The following CCSER1 variants were observed in gnomAD, a reference collection of about 807,000 sequenced individuals.
CCSER1 encodes coiled-coil serine rich protein 1, also known as serine-rich coiled-coil domain-containing protein 1.
In CCSER1, 41 loss-of-function variants were observed where a neutral mutation model predicts 82.0. The observed-to-expected ratio is 0.50, with a 90% CI of 0.39 to 0.65. The LOEUF (loss-of-function observed/expected upper bound fraction) is 0.65. Among genes scored for constraint, CCSER1 ranks in the 30% least tolerant of loss-of-function variants. The pLI is 0.00. For synonymous variants in CCSER1, 414 were observed against 383.9 expected (o/e 1.08, Z -0.92); for missense variants, 1,119 against 1,064.2 (o/e 1.05, Z -0.72).
chr4:90,783,924 A>C (rs543840067), intron 7 of CCSER1, among the ~76,000 whole-genome samples: 14 of 152,292 alleles, frequency 9.2e-5, no homozygotes, highest in African/African-American at 2.9e-4. Flanking sequence ...CCAGTATAAT[A>C]AGTGAATTAT....
intron 6 of CCSER1, among the ~76,000 whole-genome samples, chr4:90,707,909 C>A (rs1739708829): frequency 1.3e-5 from 2 of 152,120 alleles, no homozygotes; most frequent in Admixed American, 1.3e-4. Context: ...CAGAACACAG[C>A]TTTCGGTTTA....
intron 8 of CCSER1, among the ~76,000 whole-genome samples, chr4:90,883,029 G>T (rs2150080352): frequency 6.6e-6 from 1 of 152,112 alleles, no homozygotes; most frequent in African/African-American, 2.4e-5. Flanking sequence ...CAGTTAGACT[G>T]ATGAGAAAAG....
At chr4:91,249,389 T>A (rs1740075463) in intron 10 of CCSER1, among the ~76,000 whole-genome samples, 1 of 152,150 alleles carries the variant, frequency 6.6e-6, no homozygotes, top group Admixed American at 6.5e-5. Context: ...TTCAGTTTAA[T>A]CTTAGAAAGT....
intron 10 of CCSER1, among the ~76,000 whole-genome samples, chr4:91,305,080 C>G (rs1022126208): frequency 6.6e-6 from 1 of 151,916 alleles, no homozygotes; most frequent in Non-Finnish European, 1.5e-5. Flanking sequence ...TTTTCATTCT[C>G]CCTAAGAAAA....
chr4:91,578,119 T>G (rs1339164661), intron 10 of CCSER1, among the ~76,000 whole-genome samples: 1 of 151,976 alleles, frequency 6.6e-6, no homozygotes, highest in Non-Finnish European at 1.5e-5. Context: ...TGGGAACTAA[T>G]GCACACATAA....
intron 8 of CCSER1, among the ~76,000 whole-genome samples, chr4:90,849,694 C>T (rs1013949069): frequency 6.0e-5 from 9 of 149,482 alleles, no homozygotes; most frequent in African/African-American, 2.2e-4. Context: ...GAGGCTGAGG[C>T]AGGAGGATGG....
intron 10 of CCSER1, among the ~76,000 whole-genome samples, chr4:91,595,041 C>T (rs1457535834): frequency 6.6e-6 from 1 of 151,432 alleles, no homozygotes; most frequent in Non-Finnish European, 1.5e-5. Context: ...CCAATAATTT[C>T]TCTGCTTAAA....
chr4:91,463,597 A>C (rs186097832), intron 10 of CCSER1, among the ~76,000 whole-genome samples: 3 of 152,330 alleles, frequency 2.0e-5, no homozygotes, highest in East Asian at 1.9e-4. Context: ...AAGAAGCTAC[A>C]AACCTTCAAA....
intron 5 of CCSER1, among the ~76,000 whole-genome samples, chr4:90,517,725 C>T (rs1772477807): frequency 6.6e-6 from 1 of 152,096 alleles, no homozygotes; most frequent in African/African-American, 2.4e-5. Context: ...AAAACTTACA[C>T]ATTCAGAGAA....
At chr4:91,090,166 T>C (rs945403755) in intron 10 of CCSER1, among the ~76,000 whole-genome samples, 28 of 152,182 alleles carry the variant, frequency 1.8e-4, no homozygotes, top group Admixed American at 9.8e-4. Flanking sequence ...TCCAGTTACC[T>C]ATGGCTATGC....
At chr4:90,343,190 C>T (rs1191394638) in intron 3 of CCSER1, among the ~76,000 whole-genome samples, 1 of 152,178 alleles carries the variant, frequency 6.6e-6, no homozygotes, top group Non-Finnish European at 1.5e-5. Context: ...GGGCCTTTAT[C>T]AACTTGCTTA....
chr4:91,072,437 CATTT>C lies in CCSER1; in HGVS notation c.2173-13509_2173-13506del, dbSNP rs147302674. 7.6e-3 allele frequency among the ~76,000 whole-genome samples: 1,150 copies of C among 152,158 alleles called. 13 individuals are homozygous for C. The highest frequency in any genetic ancestry group is 0.024 in the African/African-American group (998 of 41,526). ...AAATCTAAATGAATTCAAAACCAAT[CATTT>C]ATTATTTTGCATTTACTTCTTCAGT... On this transcript the variant is annotated intron_variant, in intron 9 of 10. Coordinates refer to ENST00000509176, the MANE Select transcript of CCSER1 (RefSeq NM_001145065.2).
chr4:91,315,789 G>C (rs1160762021), intron 10 of CCSER1, among the ~76,000 whole-genome samples: 1 of 151,980 alleles, frequency 6.6e-6, no homozygotes, highest in East Asian at 1.9e-4. Flanking sequence ...CTTCATACCA[G>C]ACTGTCTTGG....
At chr4:90,317,511 A>G (rs1249537915) in intron 3 of CCSER1, among the ~76,000 whole-genome samples, 3 of 152,072 alleles carry the variant, frequency 2.0e-5, no homozygotes, top group African/African-American at 7.2e-5. Context: ...AATCCCAGCT[A>G]CTCGGAAGGC....
intron 4 of CCSER1, among the ~76,000 whole-genome samples, chr4:90,451,544 G>T (rs1345136810): frequency 1.3e-5 from 2 of 152,178 alleles, no homozygotes; most frequent in Non-Finnish European, 2.9e-5. Flanking sequence ...AAGGTGAAAG[G>T]CTTGGTGGAG....
intron 1 of CCSER1, among the ~76,000 whole-genome samples, chr4:90,234,512 T>C (rs1212316113): frequency 1.3e-5 from 2 of 152,158 alleles, no homozygotes; most frequent in African/African-American, 4.8e-5. Flanking sequence ...CGACTGCGCC[T>C]GGCCCAACCT....
At chr4:90,574,789 C>A in intron 5 of CCSER1, among the ~76,000 whole-genome samples, 1 of 151,338 alleles carries the variant, frequency 6.6e-6, no homozygotes. Context: ...TTATATTAAC[C>A]AAATCATTTC....
intron 10 of CCSER1, among the ~76,000 whole-genome samples, chr4:91,598,272 T>C (rs188159353): frequency 6.6e-6 from 1 of 152,310 alleles, no homozygotes; most frequent in Admixed American, 6.5e-5. Flanking sequence ...TCAAATCATA[T>C]AAATCACCTT....
chr4:90,876,307 C>A (rs1434141269), intron 8 of CCSER1, among the ~76,000 whole-genome samples: 4 of 151,858 alleles, frequency 2.6e-5, no homozygotes, highest in Admixed American at 1.3e-4. Context: ...CAAGGGTATT[C>A]TAACCCATAA....
Sources: allele counts gnomAD v4.1 joint callset (sites outside exome capture counted in the v4.1 genomes callset), GRCh38; gene constraint gnomAD v4.1.1; transcripts MANE v1.5; gene names NCBI Gene and HGNC (gene_info 2026-07-23, HGNC 2026-07-21).